Variants in XKR9 observed in about 807,000 individuals in gnomAD.
The protein encoded by XKR9 is XK-related protein 9.
A neutral mutation model predicts 32.0 loss-of-function variants in XKR9; 32 were observed. The observed-to-expected ratio is 1.00, with a 90% CI of 0.76 to 1.34. The LOEUF (loss-of-function observed/expected upper bound fraction) is 1.34. XKR9 is among the 40% of genes most tolerant of loss of function. XKR9 has a pLI of 0.00. For missense variants in XKR9, 546 were observed against 429.7 expected (o/e 1.27, Z -2.39); for synonymous variants, 168 against 143.4 (o/e 1.17, Z -1.22).
intron 3 of XKR9, among the ~76,000 whole-genome samples, chr8:70,699,332 T>C (rs1223101835): frequency 1.3e-5 from 2 of 152,278 alleles, no homozygotes; most frequent in South Asian, 2.1e-4. Context: ...GGTTGTTCCT[T>C]TCCATGTTTA....
chr8:70,676,511 A>G (rs1475402576), intron 2 of XKR9, among the ~76,000 whole-genome samples: 1 of 152,208 alleles, frequency 6.6e-6, no homozygotes, highest in Non-Finnish European at 1.5e-5. Flanking sequence ...TCAACAATTG[A>G]AAGACCTGCA....
At chr8:70,940,729 A>G in the XKR9 span, among the ~76,000 whole-genome samples, 1 of 152,058 alleles carries the variant, frequency 6.6e-6, no homozygotes, top group Non-Finnish European at 1.5e-5. Context: ...AAATGTCAGT[A>G]TTATATTATT....
rs185634466 is a variant in XKR9 at position 70,693,420 on chromosome 8, T to C, written c.272+12090T>C. Among the ~76,000 whole-genome samples, 158 of 152,292 alleles carry C rather than the reference T, an allele frequency of 1.0e-3. 1 individual carries two copies. The highest frequency in any genetic ancestry group is 6.8e-3 in the Middle Eastern group (2 of 294). ...CTTGGTTGTGTGGCTTCCCTATGTTTCCTCACAGTTGCAGCTGTGTTCCCT... is the reference window on the plus strand; with the variant it reads ...CTTGGTTGTGTGGCTTCCCTATGTTCCCTCACAGTTGCAGCTGTGTTCCCT... On this transcript the variant is annotated intron_variant, in intron 3 of 4. Coordinates refer to ENST00000408926, the MANE Select transcript of XKR9 (RefSeq NM_001011720.2).
the XKR9 span, among the ~76,000 whole-genome samples, chr8:70,955,179 G>A: frequency 6.6e-6 from 1 of 152,138 alleles, no homozygotes; most frequent in Non-Finnish European, 1.5e-5. Flanking sequence ...TTTAAAATGA[G>A]GATCAGACTA....
At chr8:71,024,421 A>T in the XKR9 span, among the ~76,000 whole-genome samples, 1 of 151,946 alleles carries the variant, frequency 6.6e-6, no homozygotes, top group Non-Finnish European at 1.5e-5. Flanking sequence ...CTCTGGGTGG[A>T]TGTTGGGGGA....
the XKR9 span, among the ~76,000 whole-genome samples, chr8:71,037,128 T>A: frequency 6.6e-6 from 1 of 152,198 alleles, no homozygotes; most frequent in African/African-American, 2.4e-5. Context: ...TTGCTTTGTC[T>A]TATTTTAGTA....
chr8:70,686,805 A>AT (rs1301004018), intron 3 of XKR9, among the ~76,000 whole-genome samples: 13 of 151,548 alleles, frequency 8.6e-5, no homozygotes, highest in Non-Finnish European at 1.8e-4. Context: ...CTCTTTTAAA[A>AT]TTTTTTTTCA....
intron 2 of XKR9, among the ~76,000 whole-genome samples, chr8:70,784,754 A>T (rs1807661133): frequency 6.6e-6 from 1 of 152,104 alleles, no homozygotes; most frequent in Non-Finnish European, 1.5e-5. Context: ...AATGGTAAGA[A>T]TAGGCATCCT....
the XKR9 span, among the ~76,000 whole-genome samples, chr8:71,026,987 A>G: frequency 6.6e-6 from 1 of 152,250 alleles, no homozygotes; most frequent in African/African-American, 2.4e-5. Flanking sequence ...CAAAACCTTT[A>G]AAAACTTAAT....
At chr8:71,032,275 C>G in the XKR9 span, among the ~76,000 whole-genome samples, 1 of 98,574 alleles carries the variant, frequency 1.0e-5, no homozygotes, top group Admixed American at 1.5e-4. Context: ...CAGAGTGAGA[C>G]TCTGTCAAAA....
intron 2 of XKR9, among the ~76,000 whole-genome samples, chr8:70,785,783 ATATG>A (rs1807680391): frequency 6.7e-6 from 1 of 148,518 alleles, no homozygotes; most frequent in South Asian, 2.1e-4. Flanking sequence ...ATGTATATAT[ATATG>A]TATGTATATA....
chr8:70,855,370 G>C, the XKR9 span, among the ~76,000 whole-genome samples: 1 of 152,154 alleles, frequency 6.6e-6, no homozygotes, highest in Non-Finnish European at 1.5e-5. Context: ...CTGGAAGAAA[G>C]GGTATCAGTG....
chr8:70,678,479 A>C (rs1818956567), intron 2 of XKR9, among the ~76,000 whole-genome samples: 1 of 152,184 alleles, frequency 6.6e-6, no homozygotes, highest in African/African-American at 2.4e-5. Context: ...TTTGTCTCTC[A>C]TCACTTGATA....
At chr8:70,752,239 A>C (rs1450809737) in intron 2 of XKR9, among the ~76,000 whole-genome samples, 1 of 152,234 alleles carries the variant, frequency 6.6e-6, no homozygotes, top group East Asian at 1.9e-4. Context: ...TCTTTAAAAC[A>C]CAACATTTAA....
Position 70,681,225 on chromosome 8 carries a change from A to G in XKR9, c.167A>G (p.Gln56Arg). 6.2e-7 allele frequency: 1 copy of G among 1,613,536 alleles called. No individual in the cohort carries two copies. The highest frequency in any genetic ancestry group is 8.5e-7 in the Non-Finnish European group (1 of 1,179,624). Residue 56 changes from glutamine (Q) to arginine (R), a missense_variant, in exon 3 of 5, where the codon CAG becomes CGG. Gln to Arg is a conservative substitution (Grantham distance 43, BLOSUM62 1). Coordinates refer to ENST00000408926, the MANE Select transcript of XKR9 (RefSeq NM_001011720.2). ...ATGCTTTTTGGAACACTTGTGGCTC[A>G]GTGTTTTAGTTATTCTTGGTTCAAG... ...SFMLFGTLVA[Q>R]CFSYSWFKAD...
the XKR9 span, among the ~76,000 whole-genome samples, chr8:70,970,568 G>A: frequency 2.6e-4 from 40 of 152,250 alleles, no homozygotes; most frequent in Admixed American, 7.8e-4. Context: ...AACATACGGT[G>A]TTTGGTTTTC....
At chr8:70,805,583 C>T in the XKR9 span, among the ~76,000 whole-genome samples, 1 of 152,228 alleles carries the variant, frequency 6.6e-6, no homozygotes, top group African/African-American at 2.4e-5. Flanking sequence ...GCCAGGGAGA[C>T]TGGACAACTT....
At chr8:71,014,816 A>C in the XKR9 span, among the ~76,000 whole-genome samples, 25 of 152,170 alleles carry the variant, frequency 1.6e-4, no homozygotes, top group African/African-American at 5.8e-4. Context: ...TATAATGTAG[A>C]ATGGTTCAGG....
the XKR9 span, among the ~76,000 whole-genome samples, chr8:70,844,803 A>C: frequency 6.6e-6 from 1 of 152,162 alleles, no homozygotes; most frequent in African/African-American, 2.4e-5. Flanking sequence ...TGCCTAGCCC[A>C]TTGCAGCAAC....
Sources: gnomAD v4.1 joint callset for allele counts (sites outside exome capture counted in the v4.1 genomes callset) on GRCh38, gnomAD v4.1.1 for gene constraint, MANE v1.5 for transcripts, NCBI Gene and HGNC (gene_info 2026-07-23, HGNC 2026-07-21) for gene names.